Variants in RANBP17 observed in about 807,000 individuals in gnomAD.
RANBP17 encodes ran-binding protein 17.
In RANBP17, 158 loss-of-function variants were observed where a neutral mutation model predicts 141.2. The ratio of observed to expected loss-of-function variants is 1.12; its 90% CI spans 0.98 to 1.28. The LOEUF (loss-of-function observed/expected upper bound fraction) is 1.28. RANBP17 is among the 50% of genes most tolerant of loss of function. The probability of loss-of-function intolerance (pLI) is 0.00; values close to 1 mark genes in which losing one functional copy is unlikely to be tolerated. For missense variants in RANBP17, 1,438 were observed against 1,290.7 expected, an observed-to-expected ratio of 1.11 and a Z score of -1.75; for synonymous variants, 430 against 450.0, an observed-to-expected ratio of 0.96 and a Z score of 0.56.
intron 14 of RANBP17, among the ~76,000 whole-genome samples, chr5:171,034,361 A>T (rs1365117531): frequency 6.6e-6 from 1 of 152,182 alleles, no homozygotes; most frequent in African/African-American, 2.4e-5. Context: ...TGTAAAGCAT[A>T]TATTTTATTT....
chr5:171,275,330 G>A (rs941103793), intron 25 of RANBP17, among the ~76,000 whole-genome samples: 2 of 152,156 alleles, frequency 1.3e-5, no homozygotes, highest in Admixed American at 1.3e-4. Context: ...TAATCATTAT[G>A]GGGATTGTTT....
At chr5:170,955,495 G>A (rs1649567037) in intron 13 of RANBP17, among the ~76,000 whole-genome samples, 1 of 128,230 alleles carries the variant, frequency 7.8e-6, no homozygotes, top group African/African-American at 3.0e-5. Context: ...TGCTCAGTGT[G>A]TATATATATA....
At chr5:171,213,815 GT>G in intron 21 of RANBP17, 77 bp downstream of exon 21, 1 of 1,154,154 alleles carries the variant, frequency 8.7e-7, no homozygotes, top group South Asian at 1.2e-5. Flanking sequence ...TTCTTTTTTG[GT>G]TTGTGTCTTT....
At chr5:171,265,660 T>G in intron 24 of RANBP17, 21 bp from the exon 25 acceptor site, 1 of 1,544,266 alleles carries the variant, frequency 6.5e-7, no homozygotes, top group South Asian at 1.2e-5. Flanking sequence ...GCAAATGAAT[T>G]CTTATTTACT....
chr5:171,229,641 C>A (rs1764086760), intron 22 of RANBP17, among the ~76,000 whole-genome samples: 1 of 151,384 alleles, frequency 6.6e-6, no homozygotes, highest in Admixed American at 6.6e-5. Context: ...GTGATCTGCC[C>A]ACCTCGGCCT....
intron 12 of RANBP17, among the ~76,000 whole-genome samples, chr5:170,935,064 A>C (rs933138125): frequency 6.6e-6 from 1 of 152,126 alleles, no homozygotes; most frequent in Non-Finnish European, 1.5e-5. Context: ...TTTGATATTC[A>C]ATCACTGATA....
intron 14 of RANBP17, among the ~76,000 whole-genome samples, chr5:171,135,984 A>G (rs1333865992): frequency 2.6e-5 from 4 of 152,344 alleles, no homozygotes; most frequent in Non-Finnish European, 5.9e-5. Context: ...AGAAATAATC[A>G]GTCAAAGGCT....
chr5:171,170,080 A>C, intron 14 of RANBP17, 50 bp from the exon 15 acceptor site: 1 of 1,009,462 alleles, frequency 9.9e-7, no homozygotes, highest in Non-Finnish European at 1.5e-6. Context: ...TAGTCTTTTG[A>C]AAATATATGT....
At chr5:171,043,674 T>C (rs1256675022) in intron 14 of RANBP17, among the ~76,000 whole-genome samples, 1 of 152,186 alleles carries the variant, frequency 6.6e-6, no homozygotes, top group Non-Finnish European at 1.5e-5. Context: ...GGTCAGACAC[T>C]TCCAATTCTC....
intron 18 of RANBP17, among the ~76,000 whole-genome samples, chr5:171,198,909 A>G (rs529447104): frequency 5.9e-5 from 9 of 152,338 alleles, no homozygotes; most frequent in South Asian, 4.1e-4. Context: ...TCAATCTCTC[A>G]TTTAAAAGAA....
chr5:170,962,635 T>A (rs1776236958), intron 13 of RANBP17, among the ~76,000 whole-genome samples: 1 of 152,198 alleles, frequency 6.6e-6, no homozygotes, highest in African/African-American at 2.4e-5. Flanking sequence ...ACACAGATTT[T>A]AAAATTTAGC....
At chr5:171,217,790 C>T (rs574337226) in intron 21 of RANBP17, among the ~76,000 whole-genome samples, 2 of 151,356 alleles carry the variant, frequency 1.3e-5, no homozygotes, top group South Asian at 4.2e-4. Context: ...GATTCTTCTT[C>T]TTTATTAGTC....
intron 14 of RANBP17, among the ~76,000 whole-genome samples, chr5:171,137,950 G>GAGATAT: frequency 6.9e-6 from 1 of 144,826 alleles, no homozygotes; most frequent in East Asian, 2.0e-4. Context: ...TGATATATGA[G>GAGATAT]ATATATATAT....
intron 12 of RANBP17, among the ~76,000 whole-genome samples, chr5:170,939,961 A>G (rs985756943): frequency 3.9e-5 from 6 of 152,200 alleles, no homozygotes; most frequent in African/African-American, 1.4e-4. Context: ...AAAATAAGCA[A>G]ATTCAATTTT....
chr5:171,122,146 G>C (rs1041212826), intron 14 of RANBP17, among the ~76,000 whole-genome samples: 1 of 152,194 alleles, frequency 6.6e-6, no homozygotes, highest in East Asian at 1.9e-4. Context: ...AATAGAGTGC[G>C]GAGGTCACTG....
chr5:170,920,112 A>T (rs1021379965), intron 11 of RANBP17, among the ~76,000 whole-genome samples: 19 of 152,220 alleles, frequency 1.2e-4, no homozygotes, highest in Admixed American at 7.2e-4. Flanking sequence ...AATAAAACTG[A>T]TGCAAATACT....
At chr5:171,165,175 G>T (rs1162792397) in intron 14 of RANBP17, among the ~76,000 whole-genome samples, 1 of 151,046 alleles carries the variant, frequency 6.6e-6, no homozygotes, top group Non-Finnish European at 1.5e-5. Flanking sequence ...CATAAAGTAG[G>T]TTTTTTTGTT....
chr5:171,073,233 A>G (rs1213332738), intron 14 of RANBP17, among the ~76,000 whole-genome samples: 1 of 152,148 alleles, frequency 6.6e-6, no homozygotes, highest in Non-Finnish European at 1.5e-5. Flanking sequence ...GAATCTAACT[A>G]TATTATAAAT....
chr5:171,249,560 G>A (rs920500887), intron 24 of RANBP17, among the ~76,000 whole-genome samples: 2 of 152,136 alleles, frequency 1.3e-5, no homozygotes, highest in Admixed American at 1.3e-4. Flanking sequence ...CATTACCAAA[G>A]AGATTTAAAT....
Sources: allele counts gnomAD v4.1 joint callset (sites outside exome capture counted in the v4.1 genomes callset), GRCh38; gene constraint gnomAD v4.1.1; transcripts MANE v1.5; gene names NCBI Gene and HGNC (gene_info 2026-07-23, HGNC 2026-07-21).